The following RANBP2 variants were observed in gnomAD, a reference collection of about 807,000 sequenced individuals.
RANBP2 encodes RAN binding protein 2.
RANBP2 carries 57 observed loss-of-function variants against 303.6 expected under a neutral mutation model. The ratio of observed to expected loss-of-function variants is 0.19; its 90% CI spans 0.15 to 0.23. The LOEUF (loss-of-function observed/expected upper bound fraction) is 0.23. Ranked by LOEUF, RANBP2 falls within the 10% of genes least tolerant of loss-of-function variation. RANBP2 has a pLI of 1.00. For missense variants in RANBP2, 3,138 were observed against 3,780.8 expected, an observed-to-expected ratio of 0.83 and a Z score of 4.46; for synonymous variants, 1,167 against 1,301.5, an observed-to-expected ratio of 0.90 and a Z score of 2.23.
At chr2:109,042,502 C>T in the RANBP2 span, among the ~76,000 whole-genome samples, 1 of 152,150 alleles carries the variant, frequency 6.6e-6, no homozygotes, top group South Asian at 2.1e-4. Context: ...GTGCTTTTCT[C>T]TCTAACCCCG....
At chr2:109,666,622 T>C in the RANBP2 span, among the ~76,000 whole-genome samples, 4 of 152,196 alleles carry the variant, frequency 2.6e-5, no homozygotes, top group Admixed American at 2.6e-4. Flanking sequence ...AAAGCCAGGC[T>C]CCTATCAGAA....
the RANBP2 span, among the ~76,000 whole-genome samples, chr2:109,693,737 G>A: frequency 6.6e-6 from 1 of 152,314 alleles, no homozygotes; most frequent in East Asian, 1.9e-4. Flanking sequence ...CAGCACGAAA[G>A]CAGAGTAATA....
the RANBP2 span, among the ~76,000 whole-genome samples, chr2:109,576,904 G>C: frequency 1.3e-5 from 2 of 152,044 alleles, no homozygotes; most frequent in Non-Finnish European, 2.9e-5. Context: ...AGAAAAGAGG[G>C]CAGAAGCAAT....
chr2:108,748,900 A>T lies in RANBP2; in HGVS notation c.1064-20A>T. On this transcript the variant is annotated intron_variant, in intron 8 of 28. Coordinates refer to ENST00000283195, the MANE Select transcript of RANBP2 (RefSeq NM_006267.5). Reference sequence around the variant, plus strand: ...TCTGTAATTTTAAAGTGATGGAAATAACTTAAATTTTTTTTTCAGGGCACA... The same window carrying T: ...TCTGTAATTTTAAAGTGATGGAAATTACTTAAATTTTTTTTTCAGGGCACA... The T allele has an allele frequency of 6.2e-7, 1 of 1,611,010 alleles. No homozygotes were observed. The highest frequency in any genetic ancestry group is 1.1e-5 in the South Asian group (1 of 90,984).
At chr2:108,720,021 G>C (rs1473323577) in intron 1 of RANBP2, 1 of 985,300 alleles carries the variant, frequency 1.0e-6, no homozygotes, top group African/African-American at 1.7e-5. Flanking sequence ...TCGGGGGCTT[G>C]GGCACCCGGG....
the RANBP2 span, among the ~76,000 whole-genome samples, chr2:109,294,668 G>C: frequency 4.6e-5 from 7 of 152,150 alleles, no homozygotes; most frequent in Non-Finnish European, 1.0e-4. Flanking sequence ...GCACCCTGCT[G>C]GGTGATGTGG....
At chr2:109,339,086 C>T in the RANBP2 span, among the ~76,000 whole-genome samples, 1 of 152,194 alleles carries the variant, frequency 6.6e-6, no homozygotes, top group Non-Finnish European at 1.5e-5. Context: ...TCTACATCTT[C>T]ATCATCTTCA....
the RANBP2 span, chr2:108,906,190 C>T: frequency 9.8e-6 from 10 of 1,022,540 alleles, no homozygotes; most frequent in East Asian, 1.9e-4. Context: ...GACCAAAGTG[C>T]GGCAACTGGA....
At chr2:109,673,293 C>T in the RANBP2 span, among the ~76,000 whole-genome samples, 3 of 152,178 alleles carry the variant, frequency 2.0e-5, no homozygotes, top group African/African-American at 7.2e-5. Flanking sequence ...TCCCAGTTGA[C>T]TGAATTATTT....
At chr2:109,404,171 G>A in the RANBP2 span, among the ~76,000 whole-genome samples, 3 of 152,124 alleles carry the variant, frequency 2.0e-5, no homozygotes, top group African/African-American at 7.2e-5. Flanking sequence ...GGGAAGGAGG[G>A]GAAGTAAAGG....
chr2:108,835,346 C>T, the RANBP2 span, among the ~76,000 whole-genome samples: 13 of 152,090 alleles, frequency 8.5e-5, no homozygotes, highest in African/African-American at 3.1e-4. Context: ...TCATCTCAGC[C>T]GTGAGCTCAA....
At chr2:109,619,920 ACT>A in the RANBP2 span, among the ~76,000 whole-genome samples, 12 of 152,156 alleles carry the variant, frequency 7.9e-5, no homozygotes, top group African/African-American at 7.2e-5. Flanking sequence ...TTGGAAGATG[ACT>A]CTACAGAAAC....
At chr2:109,368,092 T>G in the RANBP2 span, among the ~76,000 whole-genome samples, 1 of 152,256 alleles carries the variant, frequency 6.6e-6, no homozygotes, top group African/African-American at 2.4e-5. Flanking sequence ...AAATTTGTTT[T>G]TCTTCTTTCA....
the RANBP2 span, among the ~76,000 whole-genome samples, chr2:109,735,684 T>A: frequency 6.6e-6 from 1 of 152,090 alleles, no homozygotes; most frequent in Non-Finnish European, 1.5e-5. Context: ...TTTTTCACAA[T>A]CAAACTAAAA....
the RANBP2 span, among the ~76,000 whole-genome samples, chr2:108,854,583 T>C: frequency 1.4e-3 from 218 of 152,306 alleles, 1 homozygote; most frequent in Middle Eastern, 6.8e-3. Flanking sequence ...CATTAGTTGT[T>C]TATTCCTGCT....
At chr2:108,760,215 T>C (rs1676630219) in intron 18 of RANBP2, among the ~76,000 whole-genome samples, 1 of 152,218 alleles carries the variant, frequency 6.6e-6, no homozygotes, top group South Asian at 2.1e-4. Context: ...AACTAAAAGC[T>C]AACCACCTTA....
rs200253800 is a variant in RANBP2 at position 108,764,691 on chromosome 2, G to A, written c.4152G>A (p.Glu1384=). The A allele has an allele frequency of 2.3e-4, 375 of 1,613,972 alleles. No homozygotes were observed. Among genetic ancestry groups the A allele is most frequent in the Non-Finnish European group, 3.1e-4 (361 of 1,179,960 alleles). The change falls in exon 20 of 29, where the codon GAG becomes GAA. Residue 1384 remains glutamate, a synonymous_variant. Transcript: ENST00000283195. The part of the protein sequence containing the change: ...SCQNLNPSNK[E]LVGPPLAETV... ...AAAATCTAAACCCAAGCAATAAAGA[G>A]CTCGTTGGCCCACCATTAGCTGAAA...
chr2:109,274,823 A>G, the RANBP2 span, among the ~76,000 whole-genome samples: 2 of 152,112 alleles, frequency 1.3e-5, no homozygotes, highest in African/African-American at 4.8e-5. Flanking sequence ...TCTAAGCACC[A>G]TTTATACTGT....
chr2:108,928,040 G>C, the RANBP2 span, among the ~76,000 whole-genome samples: 2 of 152,110 alleles, frequency 1.3e-5, no homozygotes, highest in Non-Finnish European at 1.5e-5. Flanking sequence ...TGGCTCAGCA[G>C]TCTGCGTGTT....
Sources: allele counts gnomAD v4.1 joint callset (sites outside exome capture counted in the v4.1 genomes callset), GRCh38; gene constraint gnomAD v4.1.1; transcripts MANE v1.5; gene names NCBI Gene and HGNC (gene_info 2026-07-23, HGNC 2026-07-21).